Variants in TMEM184B observed in about 807,000 individuals in gnomAD.
The protein encoded by TMEM184B is transmembrane protein 184B.
In TMEM184B, 17 loss-of-function variants were observed where a neutral mutation model predicts 41.8. That is an observed-to-expected ratio of 0.41 (90% CI 0.28 to 0.61). The LOEUF (loss-of-function observed/expected upper bound fraction) is 0.61. TMEM184B is among the 20% of genes least tolerant of loss of function. TMEM184B has a pLI of 0.34. For missense variants in TMEM184B, 393 were observed against 557.8 expected (o/e 0.70, Z 2.98); for synonymous variants, 240 against 229.5 (o/e 1.05, Z -0.41).
At chr22:38,242,771 C>T (rs377609778) in intron 3 of TMEM184B, among the ~76,000 whole-genome samples, 49 of 152,154 alleles carry the variant, frequency 3.2e-4, no homozygotes, top group African/African-American at 1.1e-3. Flanking sequence ...ATGCTAAAAG[C>T]TGGTGAACTT....
At position 38,256,307 on chromosome 22, in the gene TMEM184B, G is replaced by A. The variant is rs547102940; in HGVS notation, c.-58-8288C>T. Among the ~76,000 whole-genome samples the A allele has an allele frequency of 1.5e-4, 22 of 151,264 alleles. No homozygotes were observed. In the East Asian group the frequency reaches 2.3e-3, roughly 16 times the overall value. On this transcript the variant is annotated intron_variant, in intron 1 of 8. Coordinates refer to ENST00000361906, the MANE Select transcript of TMEM184B (RefSeq NM_012264.5). ...CAACTCACTGTAACCTCTGCCTCCC[G>A]GGTTCAAGCAATTCTCCTGCCTCAG...
rs2091461106 is a variant in TMEM184B at position 38,226,999 on chromosome 22, G to A, written c.526-129C>T. 1.1e-6 allele frequency: 1 copy of A among 906,274 alleles called. No homozygotes were observed. Among genetic ancestry groups the A allele is most frequent in the African/African-American group, 1.7e-5 (1 of 57,928 alleles). The allele number at this position is 906,274 out of a possible 1,614,324, so 56.1% of individuals were successfully genotyped here. A position where few individuals can be genotyped will look rare whatever the true frequency, so the allele number is the denominator to read the frequency against. ...GGATGAAGGAGACGGAGAGGACGGAGGGATGGAGGGACGGAGGGGATGGAG... is the reference window on the plus strand; with the variant it reads ...GGATGAAGGAGACGGAGAGGACGGAAGGATGGAGGGACGGAGGGGATGGAG... On this transcript the variant is annotated intron_variant, in intron 5 of 8. Coordinates refer to ENST00000361906, the MANE Select transcript of TMEM184B (RefSeq NM_012264.5). The surrounding 1 kb of genome is among the most constrained non-coding windows in gnomAD (Gnocchi z 4.6).
Position 38,245,978 on chromosome 22 carries a change from G to A in TMEM184B, c.315C>T (p.Asp105=). Residue 105 remains aspartate, a synonymous_variant, in exon 3 of 9, where the codon GAC becomes GAT. Coordinates refer to ENST00000361906, the MANE Select transcript of TMEM184B (RefSeq NM_012264.5). ...SWLSLLFFTN[D]QYYVYFGTVR... is the part of the protein sequence containing the mutation. ...CGGTGCCGAAGTACACGTAGTACTG[G>A]TCGTTGGTGAAGAAGAGGAGGCTGA... 1 of 1,613,708 alleles carries A rather than the reference G, an allele frequency of 6.2e-7. No homozygotes were observed. The highest frequency in any genetic ancestry group is 8.5e-7 in the Non-Finnish European group (1 of 1,179,990).
At chr22:38,247,659 G>A in intron 2 of TMEM184B, 111 bp downstream of exon 2, 1 of 1,338,978 alleles carries the variant, frequency 7.5e-7, no homozygotes, top group South Asian at 1.5e-5. Context: ...TGAGAACAGA[G>A]GGCTTACCTA....
chr22:38,226,983 A>AGACGGAGAG lies in TMEM184B; in HGVS notation c.526-122_526-114dup. On this transcript the variant is annotated intron_variant, in intron 5 of 8. Transcript: ENST00000361906. This position sits in a 1 kb window ranked among gnomAD's most constrained non-coding sequence, Gnocchi z 4.6. The stretch of plus-strand genomic sequence containing the variant: ...GATGGAGGGACAGAGAGGATGAAGG[A>AGACGGAGAG]GACGGAGAGGACGGAGGGATGGAGG... 2.7e-6 allele frequency: 3 copies of AGACGGAGAG among 1,098,730 alleles called. No individual in the cohort carries two copies. In the Admixed American group the frequency reaches 6.3e-5, roughly 23 times the overall value. The allele number at this position is 1,098,730 out of a possible 1,614,324, so 68.1% of individuals were successfully genotyped here.
At position 38,239,797 on chromosome 22, in the gene TMEM184B, T is replaced by C. The variant is rs566612681; in HGVS notation, c.358+6138A>G. Among the ~76,000 whole-genome samples the C allele has an allele frequency of 6.6e-6, 1 of 152,220 alleles. No homozygotes were observed. Among genetic ancestry groups the C allele is most frequent in the East Asian group, 1.9e-4 (1 of 5,180 alleles). On this transcript the variant is annotated intron_variant, in intron 3 of 8. Transcript: ENST00000361906. This position sits in a 1 kb window ranked among gnomAD's most constrained non-coding sequence, Gnocchi z 4.6. ...TACCAGTCACTCAGCCTGTGCAGTGTTTTGAGGCAGGAGATGAAAAATTAT... is the reference window on the plus strand; with the variant it reads ...TACCAGTCACTCAGCCTGTGCAGTGCTTTGAGGCAGGAGATGAAAAATTAT...
At chr22:38,237,899 T>C (rs1259139675) in intron 3 of TMEM184B, among the ~76,000 whole-genome samples, 1 of 151,986 alleles carries the variant, frequency 6.6e-6, no homozygotes, top group Non-Finnish European at 1.5e-5. Context: ...CCTCCTGGGT[T>C]CAAGCAATTC....
chr22:38,251,612 C>G (rs1295085349), intron 1 of TMEM184B, among the ~76,000 whole-genome samples: 2 of 152,160 alleles, frequency 1.3e-5, no homozygotes, highest in African/African-American at 2.4e-5. Context: ...TGTGTTGGGG[C>G]TGGGGCAGGG....
intron 1 of TMEM184B, among the ~76,000 whole-genome samples, chr22:38,269,227 T>C (rs1231822796): frequency 1.3e-5 from 2 of 152,228 alleles, no homozygotes; most frequent in Non-Finnish European, 2.9e-5. Flanking sequence ...CTAGTGACCA[T>C]TTCTTTTTAA....
intron 3 of TMEM184B, among the ~76,000 whole-genome samples, chr22:38,242,955 G>A (rs994759171): frequency 1.3e-4 from 20 of 151,794 alleles, no homozygotes; most frequent in Non-Finnish European, 4.4e-5. Context: ...CCAGCTACTC[G>A]GGAGGCTGAG....
rs144559183 is a variant in TMEM184B, at chr22:38,234,274, C to T, written c.359-2940G>A. On this transcript the variant is annotated intron_variant, in intron 3 of 8. Coordinates refer to ENST00000361906, the MANE Select transcript of TMEM184B (RefSeq NM_012264.5). ...AATGCCTGTCCTTGCACTCAGTCACCATGCAGCGGGGAAGCACGAGCTAGC... is the reference window on the plus strand; with the variant it reads ...AATGCCTGTCCTTGCACTCAGTCACTATGCAGCGGGGAAGCACGAGCTAGC... Among the ~76,000 whole-genome samples, 754 of 152,240 alleles carry T rather than the reference C, an allele frequency of 5.0e-3. 6 individuals carry two copies. Among genetic ancestry groups the T allele is most frequent in the Middle Eastern group, 0.01 (3 of 294 alleles).
intron 5 of TMEM184B, among the ~76,000 whole-genome samples, chr22:38,227,863 C>T (rs1015838107): frequency 6.6e-6 from 1 of 152,174 alleles, no homozygotes; most frequent in Non-Finnish European, 1.5e-5. Context: ...CAGGTTTTCC[C>T]GATTCCCTAC....
At chr22:38,264,096 C>T (rs1049350847) in intron 1 of TMEM184B, among the ~76,000 whole-genome samples, 4 of 152,156 alleles carry the variant, frequency 2.6e-5, no homozygotes, top group Non-Finnish European at 4.4e-5. Flanking sequence ...TGAGCCACCG[C>T]GACCAGCCAA....
At chr22:38,251,044 C>T (rs1005977437) in intron 1 of TMEM184B, among the ~76,000 whole-genome samples, 2 of 152,196 alleles carry the variant, frequency 1.3e-5, no homozygotes, top group African/African-American at 4.8e-5. Context: ...AGCTGAGCCA[C>T]CCCTCCTGCT....
At chr22:38,269,491 G>T (rs2092490352) in intron 1 of TMEM184B, among the ~76,000 whole-genome samples, 1 of 152,064 alleles carries the variant, frequency 6.6e-6, no homozygotes, top group African/African-American at 2.4e-5. Context: ...TTGGATTACA[G>T]GCATGAGCCA....
chr22:38,253,892 T>C (rs894211855), intron 1 of TMEM184B, among the ~76,000 whole-genome samples: 1 of 152,080 alleles, frequency 6.6e-6, no homozygotes, highest in Admixed American at 6.6e-5. Flanking sequence ...ATTGGGAATG[T>C]ATGAAGAATG....
At chr22:38,216,769 C>G (rs1259714008), downstream of TMEM184B, among the ~76,000 whole-genome samples, 2 of 152,130 alleles carry the variant, frequency 1.3e-5, no homozygotes, top group Non-Finnish European at 2.9e-5. Context: ...TCTGGCGGAG[C>G]ATGGTGGCTC....
intron 1 of TMEM184B, chr22:38,272,534 G>A (rs1216833186): frequency 1.0e-6 from 1 of 985,818 alleles, no homozygotes; most frequent in African/African-American, 1.7e-5. Flanking sequence ...CCACCCGGGA[G>A]CACACAATCC....
chr22:38,238,769 A>G (rs558582830), intron 3 of TMEM184B, among the ~76,000 whole-genome samples: 1 of 152,268 alleles, frequency 6.6e-6, no homozygotes, highest in South Asian at 2.1e-4. Context: ...CTCTTTCACC[A>G]TGCTGGCACA....
Sources: gnomAD v4.1 joint callset for allele counts (sites outside exome capture counted in the v4.1 genomes callset) on GRCh38, gnomAD v4.1.1 for gene constraint, Gnocchi (gnomAD v3.1) non-coding constraint, MANE v1.5 for transcripts, NCBI Gene and HGNC (gene_info 2026-07-23, HGNC 2026-07-21) for gene names.